DHRS7B: variants seen among roughly 807,000 people sequenced by gnomAD.
DHRS7B encodes the protein peroxisomal reductase activating PPAR-gamma.
In DHRS7B, 24 loss-of-function variants were observed where a neutral mutation model predicts 26.4. The ratio of observed to expected loss-of-function variants is 0.91; its 90% confidence interval spans 0.66 to 1.28. The LOEUF (loss-of-function observed/expected upper bound fraction) is 1.28. DHRS7B is among the 50% of genes most tolerant of loss of function. The pLI is 0.00. For synonymous variants in DHRS7B, 142 were observed against 166.4 expected, an observed-to-expected ratio of 0.85 and a Z score of 1.13; for missense variants, 368 against 419.4, an observed-to-expected ratio of 0.88 and a Z score of 1.07.
intron 1 of DHRS7B, among the ~76,000 whole-genome samples, chr17:21,145,295 G>A (rs748666712): frequency 3.0e-4 from 45 of 151,842 alleles, no homozygotes; most frequent in Non-Finnish European, 5.9e-4. Flanking sequence ...CTGCATTCCA[G>A]CCTGGGCGAC....
At chr17:21,143,060 C>G (rs1973559794) in intron 1 of DHRS7B, among the ~76,000 whole-genome samples, 1 of 152,210 alleles carries the variant, frequency 6.6e-6, no homozygotes. Flanking sequence ...TCCTGAGCAG[C>G]TAGGATTACA....
intron 1 of DHRS7B, among the ~76,000 whole-genome samples, chr17:21,138,095 T>TACACACACACAC (rs1395026542): frequency 1.6e-3 from 134 of 81,620 alleles, no homozygotes; most frequent in African/African-American, 4.7e-3. Flanking sequence ...TATATATATA[T>TACACACACACAC]ATATATACAC....
chr17:21,178,372 A>T, intron 3 of DHRS7B, 30 bp downstream of exon 3: 1 of 1,585,920 alleles, frequency 6.3e-7, no homozygotes, highest in Non-Finnish European at 8.7e-7. Context: ...TCCATGGGGA[A>T]GGAGTGCAGG....
intron 1 of DHRS7B, among the ~76,000 whole-genome samples, chr17:21,134,730 A>G (rs1274013910): frequency 1.3e-5 from 2 of 152,102 alleles, no homozygotes; most frequent in African/African-American, 4.8e-5. Context: ...CAGATTCTGG[A>G]GTAATCAGGT....
intron 1 of DHRS7B, among the ~76,000 whole-genome samples, chr17:21,138,041 G>A (rs1973387972): frequency 7.2e-6 from 1 of 139,810 alleles, no homozygotes; most frequent in Non-Finnish European, 1.5e-5. Context: ...CCATAGTTCT[G>A]GGATTACAGG....
intron 1 of DHRS7B, among the ~76,000 whole-genome samples, chr17:21,130,544 A>G (rs1181821793): frequency 6.6e-6 from 1 of 152,218 alleles, no homozygotes; most frequent in Non-Finnish European, 1.5e-5. Flanking sequence ...TTTAGCCTTT[A>G]AAAAGATTTG....
At chr17:21,141,740 A>G (rs1312352643) in intron 1 of DHRS7B, among the ~76,000 whole-genome samples, 1 of 148,266 alleles carries the variant, frequency 6.7e-6, no homozygotes. Flanking sequence ...TAAAACTCCA[A>G]AAAAAAAAAG....
intron 1 of DHRS7B, chr17:21,166,046 C>T (rs1311459148): frequency 5.9e-5 from 33 of 563,360 alleles, no homozygotes; most frequent in Non-Finnish European, 7.4e-5. Context: ...TTGGCGCGGG[C>T]TCTGCCTCCT....
intron 1 of DHRS7B, among the ~76,000 whole-genome samples, chr17:21,133,360 A>G (rs987897577): frequency 2.0e-5 from 3 of 152,238 alleles, no homozygotes; most frequent in African/African-American, 4.8e-5. Context: ...ACATCAATCA[A>G]TATATGTAAG....
chr17:21,181,386 G>A (rs1006833501), intron 3 of DHRS7B, among the ~76,000 whole-genome samples: 5 of 152,102 alleles, frequency 3.3e-5, no homozygotes, highest in African/African-American at 4.8e-5. Flanking sequence ...GCGCCTCGCC[G>A]GACTGAGTAA....
chr17:21,188,295 C>A (rs897107477), intron 5 of DHRS7B, among the ~76,000 whole-genome samples: 8 of 151,804 alleles, frequency 5.3e-5, no homozygotes, highest in African/African-American at 1.9e-4. Flanking sequence ...GCATATATAC[C>A]GTTTATAATA....
At chr17:21,139,162 T>A (rs1973433593) in intron 1 of DHRS7B, among the ~76,000 whole-genome samples, 1 of 152,194 alleles carries the variant, frequency 6.6e-6, no homozygotes, top group Non-Finnish European at 1.5e-5. Context: ...AAAAGAAACC[T>A]CCTTATTGCC....
rs938223982 is a variant in DHRS7B at position 21,137,677 on chromosome 17, G to A, written c.20+10686G>A. On this transcript the variant is annotated intron_variant, in intron 1 of 6. Coordinates refer to ENST00000395511, the MANE Select transcript of DHRS7B (RefSeq NM_015510.5). ...TCTCCATGTTGGTCAGGCTGGTCTC[G>A]AACTCCCAACCTCAGGTGATCCGAC... Among the ~76,000 whole-genome samples, 21 of 152,002 alleles carry A rather than the reference G, an allele frequency of 1.4e-4. No homozygotes were observed. The East Asian group carries it at 2.5e-3, about 18-fold the overall frequency.
At chr17:21,151,494 C>T (rs1973770020) in intron 1 of DHRS7B, among the ~76,000 whole-genome samples, 1 of 141,332 alleles carries the variant, frequency 7.1e-6, no homozygotes, top group African/African-American at 2.7e-5. Context: ...GCCTGGATGA[C>T]AGTGTGAGAC....
At chr17:21,154,458 G>T (rs1973837733) in intron 1 of DHRS7B, among the ~76,000 whole-genome samples, 1 of 152,208 alleles carries the variant, frequency 6.6e-6, no homozygotes, top group Non-Finnish European at 1.5e-5. Context: ...AAGCAAAGGA[G>T]AAATAGAGAC....
At chr17:21,158,948 ATC>A (rs1055205474) in intron 1 of DHRS7B, among the ~76,000 whole-genome samples, 4 of 150,606 alleles carry the variant, frequency 2.7e-5, no homozygotes, top group Admixed American at 2.6e-4. Context: ...TTGAAACACT[ATC>A]TGCATGCAAA....
intron 6 of DHRS7B, 124 bp from the exon 7 acceptor site, chr17:21,190,824 G>A: frequency 1.1e-6 from 1 of 943,988 alleles, no homozygotes; most frequent in Non-Finnish European, 1.6e-6. Flanking sequence ...TGGCTTCCTG[G>A]CCCTGGGAAG....
intron 1 of DHRS7B, among the ~76,000 whole-genome samples, chr17:21,133,653 G>T (rs866141604): frequency 2.0e-5 from 3 of 152,186 alleles, no homozygotes; most frequent in Admixed American, 1.3e-4. Flanking sequence ...ATCATTTGGA[G>T]AAAGCATTTT....
intron 1 of DHRS7B, chr17:21,128,997 G>T (rs1208804903): frequency 6.6e-6 from 1 of 152,032 alleles, no homozygotes; most frequent in Admixed American, 6.6e-5. Context: ...AGAACCTAGC[G>T]CTTAGCTACA....
Sources: allele counts gnomAD v4.1 joint callset (sites outside exome capture counted in the v4.1 genomes callset), GRCh38; gene constraint gnomAD v4.1.1; transcripts MANE v1.5; gene names NCBI Gene and HGNC (gene_info 2026-07-23, HGNC 2026-07-21).